TAF4B: variants seen among roughly 807,000 people sequenced by gnomAD.
TAF4B encodes TATA-box binding protein associated factor 4b.
TAF4B carries 38 observed loss-of-function variants against 86.4 expected under a neutral mutation model. That is an observed-to-expected ratio of 0.44 (90% CI 0.34 to 0.58). The LOEUF is 0.58. Among genes scored for constraint, TAF4B ranks in the 20% least tolerant of loss-of-function variants. TAF4B has a pLI of 0.02. For synonymous variants in TAF4B, 388 were observed against 391.2 expected (o/e 0.99, Z 0.10); for missense variants, 988 against 1,027.6 (o/e 0.96, Z 0.53).
chr18:26,251,987 G>T (rs956575082), intron 1 of TAF4B, among the ~76,000 whole-genome samples: 2 of 152,070 alleles, frequency 1.3e-5, no homozygotes, highest in African/African-American at 4.8e-5. Context: ...GGACCTCTTG[G>T]CATTAATAGC....
intron 11 of TAF4B, among the ~76,000 whole-genome samples, chr18:26,324,414 G>A (rs528999439): frequency 7.7e-4 from 118 of 152,278 alleles, no homozygotes; most frequent in African/African-American, 2.7e-3. Context: ...GCCTGGCCAC[G>A]TGAGTACATC....
At chr18:26,272,202 A>C (rs2056328665) in intron 3 of TAF4B, among the ~76,000 whole-genome samples, 2 of 152,170 alleles carry the variant, frequency 1.3e-5, no homozygotes, top group Non-Finnish European at 2.9e-5. Flanking sequence ...GGTTGCGTCT[A>C]TCAAGATCAT....
chr18:26,317,456 A>C lies in TAF4B; in HGVS notation c.2002+2058A>C, dbSNP rs1448292920. Among the ~76,000 whole-genome samples, 5 of 152,204 alleles carry C rather than the reference A, an allele frequency of 3.3e-5. No homozygotes were observed. In the East Asian group the frequency reaches 9.6e-4, roughly 29 times the overall value. On this transcript the variant is annotated intron_variant, in intron 10 of 14. Coordinates refer to ENST00000269142, the MANE Select transcript of TAF4B (RefSeq NM_005640.3). ...CAACTTTTTCCTTCAAAGGGCAGAT[A>C]ATATTTGCCACTTTTGTAGGTTATA...
intron 1 of TAF4B, among the ~76,000 whole-genome samples, chr18:26,253,437 C>T (rs1037304593): frequency 6.6e-6 from 1 of 152,166 alleles, no homozygotes; most frequent in African/African-American, 2.4e-5. Context: ...ATCACTTGGT[C>T]ATGGTATATA....
intron 9 of TAF4B, among the ~76,000 whole-genome samples, chr18:26,312,601 T>C (rs1376344523): frequency 6.6e-6 from 1 of 152,156 alleles, no homozygotes; most frequent in Non-Finnish European, 1.5e-5. Context: ...AATACAATGC[T>C]AGGTATTGGT....
intron 1 of TAF4B, among the ~76,000 whole-genome samples, chr18:26,244,712 G>A (rs1014443056): frequency 2.6e-5 from 4 of 152,122 alleles, no homozygotes; most frequent in South Asian, 2.1e-4. Flanking sequence ...ACCTCCCCCC[G>A]AAATTTATAC....
chr18:26,300,307 T>TTTTTTATTATTATTATTA lies in TAF4B; in HGVS notation c.1832+6778_1832+6779insTTTATTATTATTATTATT, dbSNP rs1555679571. ...CCTGGCTTGTTTTCTAATGTAGGCATTTATTATTATTATTATTATTATTAT... is the reference window on the plus strand; with the variant it reads ...CCTGGCTTGTTTTCTAATGTAGGCATTTTTTATTATTATTATTATTATTATTATTATTATTATTATTAT... On this transcript the variant is annotated intron_variant, in intron 9 of 14. Coordinates refer to ENST00000269142, the MANE Select transcript of TAF4B (RefSeq NM_005640.3). Among the ~76,000 whole-genome samples the TTTTTTATTATTATTATTA allele has an allele frequency of 8.7e-3, 1,271 of 145,390 alleles. 10 individuals carry two copies. Among genetic ancestry groups the TTTTTTATTATTATTATTA allele is most frequent in the Non-Finnish European group, 0.013 (886 of 66,514 alleles).
intron 1 of TAF4B, among the ~76,000 whole-genome samples, chr18:26,245,146 A>G (rs571099023): frequency 1.2e-4 from 18 of 152,254 alleles, no homozygotes; most frequent in African/African-American, 3.9e-4. Flanking sequence ...TAACAGGCCA[A>G]CAGGTGCCCA....
At chr18:26,325,305 T>C (rs1431563752) in intron 11 of TAF4B, among the ~76,000 whole-genome samples, 1 of 152,198 alleles carries the variant, frequency 6.6e-6, no homozygotes, top group East Asian at 1.9e-4. Context: ...GTTGATATCA[T>C]TTGGTCTGGG....
At chr18:26,384,858 AT>A (rs1226189515) in intron 14 of TAF4B, among the ~76,000 whole-genome samples, 2 of 152,226 alleles carry the variant, frequency 1.3e-5, no homozygotes, top group Non-Finnish European at 2.9e-5. Flanking sequence ...GCACAGAGAA[AT>A]TAAGTAATTT....
intron 5 of TAF4B, among the ~76,000 whole-genome samples, chr18:26,276,697 C>CGG (rs1568121965): frequency 1.3e-5 from 2 of 152,062 alleles, no homozygotes; most frequent in Non-Finnish European, 2.9e-5. Context: ...ATTCAACTTA[C>CGG]GGGTGTCTTT....
chr18:26,240,771 C>T lies in TAF4B; in HGVS notation c.343+13495C>T, dbSNP rs573412942. Among the ~76,000 whole-genome samples, 170 of 152,202 alleles carry T rather than the reference C, an allele frequency of 1.1e-3. 3 individuals are homozygous for T. The South Asian group carries it at 0.035, about 31-fold the overall frequency. ...TGAGATACGTCACATCAATACCTAA[C>T]TTATTGAGAGTTTTTAGCATGAAGG... On this transcript the variant is annotated intron_variant, in intron 1 of 14. Coordinates refer to ENST00000269142, the MANE Select transcript of TAF4B (RefSeq NM_005640.3).
At chr18:26,310,416 C>T (rs117769668) in intron 9 of TAF4B, among the ~76,000 whole-genome samples, 148 of 151,942 alleles carry the variant, frequency 9.7e-4, no homozygotes, top group Admixed American at 3.1e-3. Context: ...CAGTATGCTA[C>T]GCTACATTTG....
intron 13 of TAF4B, among the ~76,000 whole-genome samples, chr18:26,339,211 C>G (rs1391359410): frequency 6.6e-6 from 1 of 152,184 alleles, no homozygotes; most frequent in African/African-American, 2.4e-5. Flanking sequence ...ATTTTCTATA[C>G]TAGCCCTTTC....
intron 13 of TAF4B, among the ~76,000 whole-genome samples, chr18:26,344,369 T>A (rs9951740): frequency 0.028 from 4,148 of 147,434 alleles, 93 homozygotes; most frequent in East Asian, 0.12. Context: ...TTTTTTTTTT[T>A]AAAAAAAAAG....
intron 11 of TAF4B, among the ~76,000 whole-genome samples, chr18:26,322,755 T>TTA (rs1329505026): frequency 6.6e-6 from 1 of 152,050 alleles, no homozygotes; most frequent in African/African-American, 2.4e-5. Context: ...ACTCTAGTTT[T>TTA]TATATTATTT....
intron 1 of TAF4B, among the ~76,000 whole-genome samples, chr18:26,254,412 T>C (rs1239280737): frequency 6.6e-6 from 1 of 152,104 alleles, no homozygotes; most frequent in Non-Finnish European, 1.5e-5. Flanking sequence ...CTTAATAGGC[T>C]AAAACAAGTC....
At chr18:26,291,388 C>T (rs957595120) in intron 7 of TAF4B, among the ~76,000 whole-genome samples, 3 of 151,874 alleles carry the variant, frequency 2.0e-5, no homozygotes, top group African/African-American at 7.2e-5. Context: ...ATACTTTAGA[C>T]CGGGCGTGGT....
At chr18:26,252,658 G>A (rs1169790849) in intron 1 of TAF4B, among the ~76,000 whole-genome samples, 1 of 151,936 alleles carries the variant, frequency 6.6e-6, no homozygotes, top group Non-Finnish European at 1.5e-5. Flanking sequence ...TAGTTACTTA[G>A]TAGCCCTCTT....
Sources: allele counts gnomAD v4.1 joint callset (sites outside exome capture counted in the v4.1 genomes callset), GRCh38; gene constraint gnomAD v4.1.1; transcripts MANE v1.5; gene names NCBI Gene and HGNC (gene_info 2026-07-23, HGNC 2026-07-21).